The following IRAK1BP1 variants were observed in gnomAD, a reference collection of about 807,000 sequenced individuals.
IRAK1BP1 encodes the protein interleukin 1 receptor associated kinase 1 binding protein 1.
IRAK1BP1 carries 24 observed loss-of-function variants against 28.0 expected under a neutral mutation model. The observed-to-expected ratio is 0.86, with a 90% CI of 0.62 to 1.20. The LOEUF is 1.20. Ranked by LOEUF, IRAK1BP1 falls within the 50% of genes most tolerant of loss-of-function variation. The pLI is 0.00. For missense variants in IRAK1BP1, 336 were observed against 316.7 expected (o/e 1.06, Z -0.46); for synonymous variants, 131 against 116.3 (o/e 1.13, Z -0.81).
At chr6:78,880,037 A>G (rs1771166983) in intron 1 of IRAK1BP1, among the ~76,000 whole-genome samples, 1 of 152,216 alleles carries the variant, frequency 6.6e-6, no homozygotes, top group Non-Finnish European at 1.5e-5. Context: ...CCAGGGCCAC[A>G]GCCCATTCCT....
the IRAK1BP1 span, chr6:78,978,462 T>C: frequency 8.4e-4 from 477 of 564,526 alleles, 6 homozygotes; most frequent in South Asian, 7.0e-3. Context: ...TCTCCATACA[T>C]AGATACAAAT....
downstream of IRAK1BP1, among the ~76,000 whole-genome samples, chr6:78,904,743 A>T (rs766382207): frequency 3.9e-5 from 6 of 152,232 alleles, no homozygotes; most frequent in African/African-American, 1.4e-4. Flanking sequence ...TTTGTACCAA[A>T]TTAATCATGA....
At chr6:78,942,352 G>A (rs1181885808) in intron 4 of IRAK1BP1, among the ~76,000 whole-genome samples, 1 of 152,112 alleles carries the variant, frequency 6.6e-6, no homozygotes, top group Non-Finnish European at 1.5e-5. Context: ...GCGTGGTGGT[G>A]GGTGCCTGTA....
At chr6:78,929,759 G>C (rs1582055481) in intron 4 of IRAK1BP1, among the ~76,000 whole-genome samples, 2 of 151,992 alleles carry the variant, frequency 1.3e-5, no homozygotes, top group Non-Finnish European at 2.9e-5. Context: ...CATTTAATTT[G>C]TTAAGTGAAC....
chr6:78,953,721 T>C, the IRAK1BP1 span, among the ~76,000 whole-genome samples: 5 of 152,160 alleles, frequency 3.3e-5, no homozygotes, highest in African/African-American at 7.2e-5. Context: ...ATTTTCATCA[T>C]TGTAAGTTAG....
chr6:78,867,972 A>T, intron 1 of IRAK1BP1, 81 bp downstream of exon 1: 4 of 1,404,780 alleles, frequency 2.8e-6, no homozygotes, highest in Non-Finnish European at 1.9e-6. Flanking sequence ...AGGCCCCCCT[A>T]GCGGGAAGGG....
chr6:78,947,796 G>C, downstream of IRAK1BP1: 1 of 1,572,718 alleles, frequency 6.4e-7, no homozygotes, highest in Non-Finnish European at 8.7e-7. Context: ...GAAAACAGGT[G>C]GTGTTATGAT....
At chr6:78,956,017 G>GT in the IRAK1BP1 span, 1 of 164,380 alleles carries the variant, frequency 6.1e-6, no homozygotes, top group Admixed American at 6.4e-5. Flanking sequence ...ATTTTTAAAT[G>GT]TATTTCCTAA....
At chr6:78,953,672 A>C in the IRAK1BP1 span, among the ~76,000 whole-genome samples, 1 of 152,168 alleles carries the variant, frequency 6.6e-6, no homozygotes, top group African/African-American at 2.4e-5. Context: ...ACATGAAAAA[A>C]GTCATTTTCT....
At chr6:78,939,107 AAAC>A (rs1409620495) in intron 4 of IRAK1BP1, 1 of 151,754 alleles carries the variant, frequency 6.6e-6, no homozygotes, top group Non-Finnish European at 1.5e-5. Flanking sequence ...AGTAATTTTT[AAAC>A]AATAGAAATG....
At chr6:78,882,847 C>T (rs2127644193) in intron 1 of IRAK1BP1, among the ~76,000 whole-genome samples, 1 of 152,272 alleles carries the variant, frequency 6.6e-6, no homozygotes, top group African/African-American at 2.4e-5. Context: ...TTAGTTTAGA[C>T]AGATGTACTA....
Position 78,871,902 on chromosome 6 carries a change from C to T in IRAK1BP1, c.315+4011C>T. ...ACTTCACATTTGTGTGCATGCAGGCCCAGCTTCCATCTGACAACATTTGTA... is the reference window on the plus strand; with the variant it reads ...ACTTCACATTTGTGTGCATGCAGGCTCAGCTTCCATCTGACAACATTTGTA... On this transcript the variant is annotated intron_variant, in intron 1 of 3. Transcript: ENST00000369940. 4 of 528,552 alleles carry T rather than the reference C, an allele frequency of 7.6e-6. 1 individual carries two copies. The South Asian group carries it at 8.6e-5, about 11-fold the overall frequency. The allele number at this position is 528,552 out of a possible 1,614,324, so 32.7% of individuals were successfully genotyped here. A position where few individuals can be genotyped will look rare whatever the true frequency, so the allele number is the denominator to read the frequency against.
chr6:78,939,664 T>C (rs2127676184), intron 4 of IRAK1BP1: 1 of 152,102 alleles, frequency 6.6e-6, no homozygotes, highest in Admixed American at 6.5e-5. Context: ...TAAGTCATTT[T>C]AGGCTATTAG....
chr6:78,905,050 G>C (rs1282778830), downstream of IRAK1BP1, among the ~76,000 whole-genome samples: 1 of 152,118 alleles, frequency 6.6e-6, no homozygotes, highest in Non-Finnish European at 1.5e-5. Context: ...AAGAATGACT[G>C]TATTGGTTTC....
intron 1 of IRAK1BP1, chr6:78,871,662 C>A (rs887128035): frequency 1.3e-5 from 5 of 374,818 alleles, no homozygotes; most frequent in Non-Finnish European, 1.8e-5. Context: ...GAGGATAGGG[C>A]TGTTTATAGA....
intron 4 of IRAK1BP1, among the ~76,000 whole-genome samples, chr6:78,922,917 A>C (rs1405891717): frequency 2.6e-5 from 4 of 152,206 alleles, no homozygotes; most frequent in African/African-American, 9.6e-5. Flanking sequence ...AGAGCTCCTG[A>C]AGGAAGCACT....
At chr6:78,927,802 A>G (rs560974016) in intron 4 of IRAK1BP1, among the ~76,000 whole-genome samples, 4 of 152,068 alleles carry the variant, frequency 2.6e-5, no homozygotes, top group Admixed American at 6.6e-5. Context: ...TCTTTTCCCA[A>G]CTGTATGTTC....
chr6:78,897,285 G>T (rs1273058855), intron 2 of IRAK1BP1, among the ~76,000 whole-genome samples: 1 of 150,208 alleles, frequency 6.7e-6, no homozygotes, highest in Non-Finnish European at 1.5e-5. Context: ...AAAAGACAAG[G>T]TTTAGTTCCC....
intron 4 of IRAK1BP1, among the ~76,000 whole-genome samples, chr6:78,928,164 T>G (rs1772942251): frequency 6.6e-6 from 1 of 152,174 alleles, no homozygotes; most frequent in African/African-American, 2.4e-5. Context: ...CATGGAATCT[T>G]TCCATTTTTT....
Sources: gnomAD v4.1 joint callset for allele counts (sites outside exome capture counted in the v4.1 genomes callset) on GRCh38, gnomAD v4.1.1 for gene constraint, MANE v1.5 for transcripts, NCBI Gene and HGNC (gene_info 2026-07-23, HGNC 2026-07-21) for gene names.